SCAF8: variants seen among roughly 807,000 people sequenced by gnomAD.
SCAF8 encodes SR-related and CTD-associated factor 8.
In SCAF8, 23 loss-of-function variants were observed where a neutral mutation model predicts 140.5. That is an observed-to-expected ratio of 0.16 (90% confidence interval 0.12 to 0.23). The LOEUF is 0.23. SCAF8 is among the 10% of genes least tolerant of loss of function. The pLI is 1.00. For synonymous variants in SCAF8, 575 were observed against 528.9 expected (o/e 1.09, Z -1.20); for missense variants, 1,397 against 1,555.7 (o/e 0.90, Z 1.72).
chr6:154,814,707 A>G (rs1433914678), intron 12 of SCAF8, among the ~76,000 whole-genome samples: 1 of 152,260 alleles, frequency 6.6e-6, no homozygotes, highest in African/African-American at 2.4e-5. Flanking sequence ...CAAAGGTGTC[A>G]GCTATAAATA....
At position 154,733,439 on chromosome 6, in the gene SCAF8, T is replaced by G. The variant is rs949502620; in HGVS notation, c.-462T>G. 4 of 1,396,386 alleles carry G rather than the reference T, an allele frequency of 2.9e-6. No individual in the cohort carries two copies. The highest frequency in any genetic ancestry group is 3.7e-6 in the Non-Finnish European group (4 of 1,074,866). The allele number at this position is 1,396,386 out of a possible 1,614,324, so 86.5% of individuals were successfully genotyped here. On this transcript the variant is annotated 5_prime_UTR_variant, in exon 1 of 20. Coordinates refer to ENST00000367178, the MANE Select transcript of SCAF8 (RefSeq NM_014892.5). The stretch of plus-strand genomic sequence containing the variant: ...CCATATTGGATGCCGCAGCCGCTGC[T>G]GCCAGCGCTTCCTCCTCTGTCTTCG...
chr6:154,733,572 A>AG lies in SCAF8; in HGVS notation c.-324dup. 7.8e-7 allele frequency: 1 copy of AG among 1,279,780 alleles called. No homozygotes were observed. The highest frequency in any genetic ancestry group is 9.8e-7 in the Non-Finnish European group (1 of 1,015,852). The allele number at this position is 1,279,780 out of a possible 1,614,324, so 79.3% of individuals were successfully genotyped here. A position where few individuals can be genotyped will look rare whatever the true frequency, so the allele number is the denominator to read the frequency against. ...GAGTGTAGGGGAAGGGGCTAGAGGGAGGGGGACCGAAACGGAGCGGGGCAG... is the reference window on the plus strand; with the variant it reads ...GAGTGTAGGGGAAGGGGCTAGAGGGAGGGGGGACCGAAACGGAGCGGGGCAG... On this transcript the variant is annotated 5_prime_UTR_variant, in exon 1 of 20. Coordinates refer to ENST00000367178, the MANE Select transcript of SCAF8 (RefSeq NM_014892.5).
At chr6:154,791,213 A>G (rs1180916395) in intron 4 of SCAF8, among the ~76,000 whole-genome samples, 1 of 152,234 alleles carries the variant, frequency 6.6e-6, no homozygotes, top group Non-Finnish European at 1.5e-5. Context: ...CAAGGAAGAC[A>G]TATAAGTAGG....
At chr6:154,794,780 GGTGTGT>G (rs1183671310) in intron 5 of SCAF8, among the ~76,000 whole-genome samples, 409 of 12,438 alleles carry the variant, frequency 0.033, 41 homozygotes, top group African/African-American at 0.051. Context: ...GGGTGTGGGG[GGTGTGT>G]GTGTGTGTGT....
intron 19 of SCAF8, among the ~76,000 whole-genome samples, 159 bp downstream of exon 19, chr6:154,831,299 A>G (rs938813955): frequency 2.0e-4 from 31 of 152,138 alleles, no homozygotes; most frequent in African/African-American, 6.5e-4. Flanking sequence ...TTTCTATTTG[A>G]AAAAGTGGCC....
At chr6:154,824,532 T>C (rs559190071) in intron 17 of SCAF8, among the ~76,000 whole-genome samples, 154 bp downstream of exon 17, 53 of 152,316 alleles carry the variant, frequency 3.5e-4, no homozygotes, top group African/African-American at 1.3e-3. Flanking sequence ...CTCCACTGTT[T>C]TTGCTTTACT....
At chr6:154,802,465 T>A (rs1165376798) in intron 7 of SCAF8, among the ~76,000 whole-genome samples, 1 of 151,812 alleles carries the variant, frequency 6.6e-6, no homozygotes, top group Non-Finnish European at 1.5e-5. Flanking sequence ...CTATTAAAAA[T>A]ACAAAAATTA....
At chr6:154,820,376 T>C (rs775886921) in intron 15 of SCAF8, 43 bp downstream of exon 15, 13 of 1,529,608 alleles carry the variant, frequency 8.5e-6, no homozygotes, top group Non-Finnish European at 1.2e-5. Flanking sequence ...AAAAGTATGC[T>C]TAGAAGGTTG....
intron 1 of SCAF8, among the ~76,000 whole-genome samples, chr6:154,745,733 C>T (rs1778682264): frequency 6.6e-6 from 1 of 152,098 alleles, no homozygotes; most frequent in African/African-American, 2.4e-5. Context: ...TTGGTGTCGT[C>T]TTATCTGAAT....
intron 7 of SCAF8, among the ~76,000 whole-genome samples, chr6:154,803,331 ATTTGT>A (rs1054832442): frequency 1.3e-5 from 2 of 152,152 alleles, no homozygotes; most frequent in Non-Finnish European, 2.9e-5. Context: ...CTCTATCATA[ATTTGT>A]TTTGTTATGT....
At chr6:154,800,133 TC>T (rs538770257) in intron 6 of SCAF8, among the ~76,000 whole-genome samples, 31 of 151,374 alleles carry the variant, frequency 2.0e-4, no homozygotes, top group Non-Finnish European at 3.1e-4. Context: ...TTGTTTACAC[TC>T]CCGTTCTCTC....
chr6:154,779,903 C>G (rs1777035843), intron 3 of SCAF8, among the ~76,000 whole-genome samples: 1 of 151,944 alleles, frequency 6.6e-6, no homozygotes, highest in African/African-American at 2.4e-5. Flanking sequence ...CTCAGTTTCC[C>G]CCTGTGGTAA....
At position 154,746,557 on chromosome 6, in the gene SCAF8, G is replaced by T. The variant is rs947751644; in HGVS notation, c.30+12627G>T. 7.2e-5 allele frequency among the ~76,000 whole-genome samples: 11 copies of T among 152,278 alleles called. No homozygotes were observed. The South Asian group carries it at 8.3e-4, about 11-fold the overall frequency. ...TTTCCAAGTTTGTCTTCGACAGCAA[G>T]AACCCTGGCTTTTGTTATCTACAAT... On this transcript the variant is annotated intron_variant, in intron 1 of 19. Transcript: ENST00000367178.
In SCAF8 at chr6:154,831,769, T is replaced by C. The variant is rs546647275; in HGVS notation, c.2360-170T>C. ...AATTATGGTTTAGAAAGGCTTTTAT[T>C]AAAGGTGGAAAATCAGTATAATACC... On this transcript the variant is annotated intron_variant, in intron 19 of 19. Coordinates refer to ENST00000367178, the MANE Select transcript of SCAF8 (RefSeq NM_014892.5). Among the ~76,000 whole-genome samples, 4 of 137,494 alleles carry C rather than the reference T, an allele frequency of 2.9e-5. No individual in the cohort carries two copies. In the South Asian group the frequency reaches 9.6e-4, roughly 33 times the overall value. The allele number at this position is 137,494 out of a possible 152,430, so 90.2% of individuals were successfully genotyped here.
intron 6 of SCAF8, among the ~76,000 whole-genome samples, chr6:154,795,925 A>G (rs1034781561): frequency 3.9e-5 from 6 of 152,254 alleles, no homozygotes; most frequent in African/African-American, 9.6e-5. Flanking sequence ...AATTTCTTAG[A>G]TTTATTTCCA....
chr6:154,764,798 CTTTTTCAGCG>C (rs1283551525), intron 1 of SCAF8, among the ~76,000 whole-genome samples: 3 of 152,234 alleles, frequency 2.0e-5, no homozygotes, highest in South Asian at 2.1e-4. Flanking sequence ...AGCTTTCATT[CTTTTTCAGCG>C]TTTTTCAGCG....
intron 1 of SCAF8, among the ~76,000 whole-genome samples, chr6:154,751,579 G>A (rs1778839377): frequency 6.6e-6 from 1 of 152,150 alleles, no homozygotes; most frequent in African/African-American, 2.4e-5. Flanking sequence ...TCGTTTTACA[G>A]ATGAGGAATC....
In SCAF8 at chr6:154,789,275, A is replaced by AT. The variant is rs574441202; in HGVS notation, c.321+1262dup. On this transcript the variant is annotated intron_variant, in intron 4 of 19. Transcript: ENST00000367178. ...AGGCGCCCGCCACCACACTCGGCTAATTTTTTTTTGTATTTTTAGTAGAGA... is the reference window on the plus strand; with the variant it reads ...AGGCGCCCGCCACCACACTCGGCTAATTTTTTTTTTGTATTTTTAGTAGAGA... Among the ~76,000 whole-genome samples the AT allele has an allele frequency of 1.8e-4, 27 of 150,210 alleles. No individual in the cohort carries two copies. In the South Asian group the frequency reaches 3.4e-3, roughly 19 times the overall value.
chr6:154,744,156 G>A (rs1053081972), intron 1 of SCAF8, among the ~76,000 whole-genome samples: 1 of 152,134 alleles, frequency 6.6e-6, no homozygotes, highest in African/African-American at 2.4e-5. Context: ...AGCCAGGCGT[G>A]GTGGCGTGCA....
Sources: allele counts gnomAD v4.1 joint callset (sites outside exome capture counted in the v4.1 genomes callset), GRCh38; gene constraint gnomAD v4.1.1; transcripts MANE v1.5; gene names NCBI Gene and HGNC (gene_info 2026-07-23, HGNC 2026-07-21).